The following NRCAM variants were observed in gnomAD, a reference collection of about 807,000 sequenced individuals.
NRCAM encodes the protein NgCAM-related cell adhesion molecule.
In NRCAM, 83 loss-of-function variants were observed where a neutral mutation model predicts 156.5. That is an observed-to-expected ratio of 0.53 (90% CI 0.44 to 0.64). The LOEUF (loss-of-function observed/expected upper bound fraction) is 0.64. NRCAM is among the 30% of genes least tolerant of loss of function. The pLI is 0.00. For missense variants in NRCAM, 1,417 were observed against 1,597.3 expected, an observed-to-expected ratio of 0.89 and a Z score of 1.92; for synonymous variants, 538 against 563.9, an observed-to-expected ratio of 0.95 and a Z score of 0.65.
intron 1 of NRCAM, among the ~76,000 whole-genome samples, chr7:108,407,641 A>T (rs1021361010): frequency 3.3e-5 from 5 of 152,162 alleles, no homozygotes; most frequent in African/African-American, 4.8e-5. Context: ...GCCTGATTGG[A>T]AGGGAAGAAC....
chr7:108,345,252 C>T (rs74471246), intron 2 of NRCAM, among the ~76,000 whole-genome samples: 1 of 152,158 alleles, frequency 6.6e-6, no homozygotes, highest in East Asian at 1.9e-4. Flanking sequence ...TGGCAAGTTA[C>T]TCAACTCAGA....
At chr7:108,387,297 T>G (rs1435897259) in intron 2 of NRCAM, among the ~76,000 whole-genome samples, 1 of 152,124 alleles carries the variant, frequency 6.6e-6, no homozygotes, top group African/African-American at 2.4e-5. Flanking sequence ...AAATTGCAAG[T>G]GATGCATCTT....
rs60553976 is a variant in NRCAM, at chr7:108,324,877, C to CTTTTTTT, written c.-173-12153_-173-12147dup. 3.7e-4 allele frequency among the ~76,000 whole-genome samples: 31 copies of CTTTTTTT among 82,684 alleles called. 1 individual carries two copies. The highest frequency in any genetic ancestry group is 9.7e-4 in the African/African-American group (19 of 19,560). 54.2% of individuals were successfully genotyped at this position (82,684 alleles called of 152,430 possible). On this transcript the variant is annotated intron_variant, in intron 2 of 32. Transcript: ENST00000379028. ...TGTTTGTGTAATATTTGGCACTGTACTTTTTTTTTTTTTTTTTTTTTTTTT... is the reference window on the plus strand; with the variant it reads ...TGTTTGTGTAATATTTGGCACTGTACTTTTTTTTTTTTTTTTTTTTTTTTTTTTTTTT...
At chr7:108,313,726 ATAT>A (rs1179504059) in intron 2 of NRCAM, among the ~76,000 whole-genome samples, 1 of 152,192 alleles carries the variant, frequency 6.6e-6, no homozygotes, top group Non-Finnish European at 1.5e-5. Flanking sequence ...TCAGGACAAA[ATAT>A]TAATATTGTG....
intron 3 of NRCAM, among the ~76,000 whole-genome samples, chr7:108,299,680 C>T (rs1592312764): frequency 6.6e-6 from 1 of 152,106 alleles, no homozygotes; most frequent in South Asian, 2.1e-4. Flanking sequence ...AACGGGCAGC[C>T]GGGTAATAAC....
intron 13 of NRCAM, among the ~76,000 whole-genome samples, chr7:108,205,229 T>C (rs748350785): frequency 1.6e-4 from 25 of 152,298 alleles, no homozygotes; most frequent in Non-Finnish European, 2.4e-4. Context: ...TGAGGACACA[T>C]AGCAGCATCT....
intron 15 of NRCAM, among the ~76,000 whole-genome samples, chr7:108,195,175 T>C (rs1441021053): frequency 6.6e-6 from 1 of 152,186 alleles, no homozygotes; most frequent in Non-Finnish European, 1.5e-5. Flanking sequence ...GTCCATGGCA[T>C]TGTGAAATAC....
intron 3 of NRCAM, among the ~76,000 whole-genome samples, chr7:108,302,557 A>G (rs1478519333): frequency 6.6e-6 from 1 of 152,200 alleles, no homozygotes; most frequent in African/African-American, 2.4e-5. Context: ...TGATGGAACT[A>G]AAGTTCTTGG....
intron 2 of NRCAM, among the ~76,000 whole-genome samples, chr7:108,342,929 G>A (rs1213438954): frequency 1.3e-5 from 2 of 152,168 alleles, no homozygotes; most frequent in Non-Finnish European, 2.9e-5. Flanking sequence ...CCAGTGCTGC[G>A]ACTGTGCACT....
chr7:108,394,891 T>A (rs2099772550), intron 2 of NRCAM, among the ~76,000 whole-genome samples: 1 of 152,254 alleles, frequency 6.6e-6, no homozygotes, highest in South Asian at 2.1e-4. Flanking sequence ...CAAAGATACT[T>A]ATACTACTGA....
At chr7:108,279,455 G>T (rs1314869921) in intron 3 of NRCAM, among the ~76,000 whole-genome samples, 1 of 152,020 alleles carries the variant, frequency 6.6e-6, no homozygotes, top group East Asian at 1.9e-4. Flanking sequence ...TGGAAGTTTG[G>T]GAATTGGGGA....
intron 20 of NRCAM, among the ~76,000 whole-genome samples, chr7:108,187,718 G>A (rs1398007029): frequency 6.6e-6 from 1 of 152,100 alleles, no homozygotes; most frequent in African/African-American, 2.4e-5. Context: ...TTGGGAGGCC[G>A]AGGCGGGTGG....
chr7:108,405,488 T>C (rs1441721788), intron 1 of NRCAM, among the ~76,000 whole-genome samples: 1 of 152,156 alleles, frequency 6.6e-6, no homozygotes, highest in Non-Finnish European at 1.5e-5. Context: ...ATTGCAACAA[T>C]TTCATACGTG....
At chr7:108,439,516 C>G (rs1836071851) in intron 1 of NRCAM, among the ~76,000 whole-genome samples, 1 of 152,106 alleles carries the variant, frequency 6.6e-6, no homozygotes, top group South Asian at 2.1e-4. Flanking sequence ...GCAAGTAAAA[C>G]TACCATGAAA....
chr7:108,195,252 A>G (rs999400028), intron 15 of NRCAM, among the ~76,000 whole-genome samples: 1 of 152,206 alleles, frequency 6.6e-6, no homozygotes, highest in Non-Finnish European at 1.5e-5. Context: ...GTGCTGCTAA[A>G]TAGATTATAC....
chr7:108,338,575 A>G (rs2154264249), intron 2 of NRCAM, among the ~76,000 whole-genome samples: 1 of 152,180 alleles, frequency 6.6e-6, no homozygotes, highest in Admixed American at 6.6e-5. Flanking sequence ...ACAGAGTGAG[A>G]CACAGAGAGA....
intron 6 of NRCAM, among the ~76,000 whole-genome samples, chr7:108,234,288 G>T (rs1320067217): frequency 6.6e-6 from 1 of 152,092 alleles, no homozygotes; most frequent in Non-Finnish European, 1.5e-5. Context: ...GGGTTTTCAA[G>T]AAGAAAAAAT....
At chr7:108,200,862 A>T (rs1440817955) in intron 13 of NRCAM, among the ~76,000 whole-genome samples, 1 of 152,016 alleles carries the variant, frequency 6.6e-6, no homozygotes, top group Non-Finnish European at 1.5e-5. Context: ...GGAGATCATT[A>T]TTCTAAGTGA....
chr7:108,396,988 T>C (rs926414916), intron 2 of NRCAM, among the ~76,000 whole-genome samples: 7 of 152,318 alleles, frequency 4.6e-5, no homozygotes, highest in African/African-American at 1.7e-4. Context: ...AGAATCTGAT[T>C]GTTGCATCTA....
Sources: allele counts gnomAD v4.1 joint callset (sites outside exome capture counted in the v4.1 genomes callset), GRCh38; gene constraint gnomAD v4.1.1; transcripts MANE v1.5; gene names NCBI Gene and HGNC (gene_info 2026-07-23, HGNC 2026-07-21).